The following CADPS2 variants were observed in gnomAD, a reference collection of about 807,000 sequenced individuals.
CADPS2 encodes calcium-dependent secretion activator 2.
Under a neutral mutation model 172.5 loss-of-function variants are expected in CADPS2, and 93 were observed. The ratio of observed to expected loss-of-function variants is 0.54; its 90% CI spans 0.46 to 0.64. The LOEUF (loss-of-function observed/expected upper bound fraction) is 0.64, where lower values mean the gene tolerates loss of function less well. Ranked by LOEUF, CADPS2 falls within the 30% of genes least tolerant of loss-of-function variation. The pLI is 0.00. For missense variants in CADPS2, 1,420 were observed against 1,565.9 expected (o/e 0.91, Z 1.57); for synonymous variants, 546 against 555.2 (o/e 0.98, Z 0.23).
intron 27 of CADPS2, among the ~76,000 whole-genome samples, chr7:122,355,402 A>G (rs2039256854): frequency 6.6e-6 from 1 of 152,152 alleles, no homozygotes; most frequent in African/African-American, 2.4e-5. Flanking sequence ...CAACATGGTG[A>G]AACCCCATCT....
intron 1 of CADPS2, among the ~76,000 whole-genome samples, chr7:122,847,386 C>A (rs1584890042): frequency 6.6e-6 from 1 of 152,120 alleles, no homozygotes; most frequent in South Asian, 2.1e-4. Flanking sequence ...CGTGCCCAGC[C>A]GGTATTCATC....
chr7:122,878,497 G>T (rs770849040), intron 1 of CADPS2, among the ~76,000 whole-genome samples: 1 of 151,610 alleles, frequency 6.6e-6, no homozygotes, highest in African/African-American at 2.4e-5. Context: ...AAAATTAGCC[G>T]GGTGCAGTGG....
intron 11 of CADPS2, among the ~76,000 whole-genome samples, chr7:122,484,427 T>G (rs2057598834): frequency 6.6e-6 from 1 of 151,652 alleles, no homozygotes. Context: ...CAACTCTTTG[T>G]GTTAGAACAA....
At chr7:122,392,863 C>T (rs144959141) in intron 22 of CADPS2, among the ~76,000 whole-genome samples, 39 of 152,166 alleles carry the variant, frequency 2.6e-4, no homozygotes, top group African/African-American at 8.9e-4. Context: ...CCTCAAAATG[C>T]TTTGTATACA....
intron 2 of CADPS2, among the ~76,000 whole-genome samples, chr7:122,715,892 C>A (rs1231824102): frequency 6.6e-6 from 1 of 152,096 alleles, no homozygotes; most frequent in African/African-American, 2.4e-5. Flanking sequence ...GAGCTGTAAT[C>A]TTCTATCTAC....
rs1227026317 is a variant in CADPS2 at position 122,416,132 on chromosome 7, G to T, written c.2509C>A (p.Leu837Met). The T allele has an allele frequency of 1.9e-6, 3 of 1,551,304 alleles. No homozygotes were observed. Among genetic ancestry groups the T allele is most frequent in the Admixed American group, 1.9e-5 (1 of 52,978 alleles). ...TCTGCCAGATGAAGAATCTCTTCCAGCTTTCTAGCAGGAGATGCCTGGTTC... is the reference window on the plus strand; with the variant it reads ...TCTGCCAGATGAAGAATCTCTTCCATCTTTCTAGCAGGAGATGCCTGGTTC... ...TMNQASPARK[L>M]EEILHLAELC... is the part of the protein sequence containing the mutation. The change falls in exon 18 of 30, where the codon CTG becomes ATG. Residue 837 changes from leucine to methionine, a missense_variant. Coordinates refer to ENST00000449022, the MANE Select transcript of CADPS2 (RefSeq NM_017954.11).
intron 9 of CADPS2, among the ~76,000 whole-genome samples, chr7:122,505,811 T>C (rs936012380): frequency 2.0e-5 from 3 of 152,324 alleles, no homozygotes; most frequent in Middle Eastern, 3.4e-3. Context: ...AATGTTGCCA[T>C]ATTTCATCCT....
At chr7:122,325,439 C>A in intron 29 of CADPS2, 38 bp downstream of exon 29, 1 of 1,310,658 alleles carries the variant, frequency 7.6e-7, no homozygotes, top group Non-Finnish European at 1.1e-6. Flanking sequence ...TTCCTTATAG[C>A]TTAGTGGGCA....
chr7:122,372,117 G>A (rs780329467), intron 25 of CADPS2, among the ~76,000 whole-genome samples: 8 of 152,118 alleles, frequency 5.3e-5, no homozygotes, highest in Non-Finnish European at 1.0e-4. Flanking sequence ...TACTTTATAG[G>A]AGAGGAAAAC....
intron 28 of CADPS2, among the ~76,000 whole-genome samples, chr7:122,326,464 T>C (rs1468585643): frequency 6.6e-6 from 1 of 152,070 alleles, no homozygotes; most frequent in Non-Finnish European, 1.5e-5. Flanking sequence ...AGGGACACAG[T>C]GATTCAGAGC....
intron 11 of CADPS2, among the ~76,000 whole-genome samples, chr7:122,488,616 C>T (rs1235113756): frequency 1.3e-5 from 2 of 152,170 alleles, no homozygotes; most frequent in East Asian, 1.9e-4. Flanking sequence ...AGAAGTCATG[C>T]CTAAGCCCAT....
At chr7:122,864,159 T>G (rs1040650704) in intron 1 of CADPS2, among the ~76,000 whole-genome samples, 11 of 152,216 alleles carry the variant, frequency 7.2e-5, no homozygotes, top group Non-Finnish European at 1.3e-4. Context: ...GGAATGCAGA[T>G]GCTGTTGGCA....
At chr7:122,389,281 CT>C (rs1401163777) in intron 22 of CADPS2, among the ~76,000 whole-genome samples, 1 of 151,934 alleles carries the variant, frequency 6.6e-6, no homozygotes, top group Non-Finnish European at 1.5e-5. Context: ...GGGAAGCAAT[CT>C]TTTATTTTCA....
At chr7:122,698,330 C>T in intron 2 of CADPS2, 1 of 1,613,970 alleles carries the variant, frequency 6.2e-7, no homozygotes, top group Non-Finnish European at 8.5e-7. Flanking sequence ...GCAGTTGTGA[C>T]AATCACAAAA....
chr7:122,361,096 C>T, intron 25 of CADPS2, 83 bp from the exon 26 acceptor site: 1 of 1,143,706 alleles, frequency 8.7e-7, no homozygotes, highest in Non-Finnish European at 1.3e-6. Flanking sequence ...GAATCAATTT[C>T]TTCCATCGCA....
At chr7:122,664,922 C>T (rs73435782) in intron 2 of CADPS2, among the ~76,000 whole-genome samples, 1 of 151,620 alleles carries the variant, frequency 6.6e-6, no homozygotes, top group African/African-American at 2.4e-5. Flanking sequence ...GTAGCTGGGA[C>T]CTGCAAACAC....
chr7:122,435,112 C>T (rs187485132), intron 17 of CADPS2, among the ~76,000 whole-genome samples: 1 of 152,174 alleles, frequency 6.6e-6, no homozygotes, highest in Admixed American at 6.5e-5. Flanking sequence ...TTCAGAATTC[C>T]TAATCAAAAT....
chr7:122,443,707 C>T (rs28417719), intron 15 of CADPS2, among the ~76,000 whole-genome samples: 53 of 21,172 alleles, frequency 2.5e-3, no homozygotes, highest in Middle Eastern at 0.033. Context: ...TTTCTGCTTT[C>T]TACAAAAAAA....
At chr7:122,334,201 TA>T (rs1554436722) in intron 28 of CADPS2, among the ~76,000 whole-genome samples, 10 of 151,334 alleles carry the variant, frequency 6.6e-5, no homozygotes, top group Non-Finnish European at 1.2e-4. Flanking sequence ...TATATGAGAA[TA>T]CACACACACA....
Sources: gnomAD v4.1 joint callset for allele counts (sites outside exome capture counted in the v4.1 genomes callset) on GRCh38, gnomAD v4.1.1 for gene constraint, MANE v1.5 for transcripts, NCBI Gene and HGNC (gene_info 2026-07-23, HGNC 2026-07-21) for gene names.